Variants in TSPAN9 observed in about 807,000 individuals in gnomAD.
TSPAN9 encodes the protein tetraspanin 9, also known as tetraspanin-9.
In TSPAN9, 16 loss-of-function variants were observed where a neutral mutation model predicts 31.0. That is an observed-to-expected ratio of 0.52 (90% confidence interval 0.35 to 0.78). TSPAN9 has a LOEUF of 0.78. Ranked by LOEUF, TSPAN9 falls within the 30% of genes least tolerant of loss-of-function variation. The pLI is 0.01. For missense variants in TSPAN9, 272 were observed against 312.5 expected (o/e 0.87, Z 0.98); for synonymous variants, 145 against 121.6 (o/e 1.19, Z -1.27).
At chr12:3,250,796 G>T (rs1359154410) in intron 3 of TSPAN9, among the ~76,000 whole-genome samples, 2 of 152,214 alleles carry the variant, frequency 1.3e-5, no homozygotes, top group African/African-American at 4.8e-5. Context: ...TGGCTTTCGG[G>T]TGACTGTTGG....
At chr12:3,137,935 CAG>C (rs2098332860) in intron 2 of TSPAN9, among the ~76,000 whole-genome samples, 1 of 152,196 alleles carries the variant, frequency 6.6e-6, no homozygotes, top group African/African-American at 2.4e-5. Flanking sequence ...TTTCCTTAAA[CAG>C]GGGCTGCTGC....
chr12:3,224,472 G>A (rs2098386122), intron 3 of TSPAN9, among the ~76,000 whole-genome samples: 1 of 152,248 alleles, frequency 6.6e-6, no homozygotes, highest in Non-Finnish European at 1.5e-5. Context: ...AGAAGGAAAG[G>A]AGCTTGGCTG....
chr12:3,246,568 G>A (rs1009365394), intron 3 of TSPAN9, among the ~76,000 whole-genome samples: 5 of 152,270 alleles, frequency 3.3e-5, no homozygotes, highest in African/African-American at 7.2e-5. Flanking sequence ...TTGGGATTCC[G>A]AGCCCATTCC....
At chr12:3,137,582 C>T (rs1434597279) in intron 2 of TSPAN9, among the ~76,000 whole-genome samples, 3 of 152,198 alleles carry the variant, frequency 2.0e-5, no homozygotes, top group Non-Finnish European at 4.4e-5. Flanking sequence ...AAGGCTTCTG[C>T]TTTCCAGCCA....
rs1262146931 is a variant in TSPAN9, at chr12:3,187,405, G to A, written c.-17-13772G>A. Among the ~76,000 whole-genome samples the A allele has an allele frequency of 3.9e-5, 6 of 152,272 alleles. 1 individual carries two copies. The highest frequency in any genetic ancestry group is 8.8e-5 in the Non-Finnish European group (6 of 68,028). ...GCCTTTGTGCAGGTGGCATGGGTAC[G>A]TGTATGTCCAGGAGTGGCCAGCTTC... On this transcript the variant is annotated intron_variant, in intron 2 of 8. Coordinates refer to ENST00000011898, the MANE Select transcript of TSPAN9 (RefSeq NM_006675.5). This position sits in a 1 kb window ranked among gnomAD's most constrained non-coding sequence, Gnocchi z 5.2.
At chr12:3,214,674 C>T (rs921937346) in intron 3 of TSPAN9, among the ~76,000 whole-genome samples, 1 of 152,048 alleles carries the variant, frequency 6.6e-6, no homozygotes, top group Admixed American at 6.5e-5. Context: ...ACGCCCTCCC[C>T]CCTGCAGGGG....
intron 3 of TSPAN9, among the ~76,000 whole-genome samples, chr12:3,229,767 T>C (rs2098389722): frequency 1.9e-5 from 2 of 103,704 alleles, no homozygotes; most frequent in Admixed American, 1.8e-4. Context: ...CAGCTGGGGC[T>C]GACACAGCTG....
intron 3 of TSPAN9, among the ~76,000 whole-genome samples, chr12:3,244,095 C>T (rs1423084593): frequency 6.6e-6 from 1 of 152,174 alleles, no homozygotes; most frequent in Non-Finnish European, 1.5e-5. Context: ...AGCACTTTGT[C>T]CCCCACAGTG....
intron 2 of TSPAN9, among the ~76,000 whole-genome samples, chr12:3,109,268 CTGTG>C (rs1226380985): frequency 2.0e-4 from 24 of 119,300 alleles, no homozygotes; most frequent in Non-Finnish European, 3.5e-4. Flanking sequence ...TTCATATAGT[CTGTG>C]TGTGTGTGTG....
intron 2 of TSPAN9, among the ~76,000 whole-genome samples, chr12:3,085,316 G>A (rs576234801): frequency 1.3e-5 from 2 of 152,090 alleles, no homozygotes; most frequent in East Asian, 3.9e-4. Context: ...GGTGGGCCCT[G>A]CCAGACAGAA....
At chr12:3,113,901 C>T (rs1342101915) in intron 2 of TSPAN9, among the ~76,000 whole-genome samples, 1 of 152,250 alleles carries the variant, frequency 6.6e-6, no homozygotes, top group Non-Finnish European at 1.5e-5. Context: ...TTGGCCTGGG[C>T]AGGTCCCCTT....
intron 3 of TSPAN9, among the ~76,000 whole-genome samples, chr12:3,276,662 T>C (rs945042200): frequency 1.3e-5 from 2 of 152,232 alleles, no homozygotes; most frequent in Admixed American, 6.5e-5. Context: ...CTTATTTTTC[T>C]TCGTGGCGCA....
chr12:3,244,939 C>T (rs1157599285), intron 3 of TSPAN9, among the ~76,000 whole-genome samples: 1 of 152,178 alleles, frequency 6.6e-6, no homozygotes, highest in African/African-American at 2.4e-5. Context: ...TTTCAGGGGC[C>T]CCCTTCTGCC....
chr12:3,275,385 TCCCCTGCAGCG>T (rs1194408769), intron 3 of TSPAN9, among the ~76,000 whole-genome samples: 1 of 152,104 alleles, frequency 6.6e-6, no homozygotes, highest in Non-Finnish European at 1.5e-5. Context: ...GCCCTGCAGC[TCCCCTGCAGCG>T]AGTACCTGCG....
At chr12:3,207,001 G>T (rs2098375608) in intron 3 of TSPAN9, among the ~76,000 whole-genome samples, 1 of 152,088 alleles carries the variant, frequency 6.6e-6, no homozygotes, top group Non-Finnish European at 1.5e-5. Context: ...CCAAGGGGGA[G>T]ACAGCACCTG....
chr12:3,197,441 G>A (rs1257240876), intron 2 of TSPAN9, among the ~76,000 whole-genome samples: 1 of 152,186 alleles, frequency 6.6e-6, no homozygotes, highest in Non-Finnish European at 1.5e-5. Context: ...GCCGAACCCA[G>A]AGAGAGTAGC....
At chr12:3,203,143 TC>T (rs1395062723) in intron 3 of TSPAN9, among the ~76,000 whole-genome samples, 2 of 151,968 alleles carry the variant, frequency 1.3e-5, no homozygotes, top group Non-Finnish European at 2.9e-5. Flanking sequence ...CGCTCACTCC[TC>T]CCCACCCCCA....
chr12:3,261,749 A>G (rs1862453460), intron 3 of TSPAN9, among the ~76,000 whole-genome samples: 1 of 152,200 alleles, frequency 6.6e-6, no homozygotes, highest in Non-Finnish European at 1.5e-5. Flanking sequence ...AACTGGGAAA[A>G]GAAGCCCTGA....
intron 2 of TSPAN9, among the ~76,000 whole-genome samples, chr12:3,105,757 C>T (rs2335343): frequency 0.42 from 55,877 of 132,554 alleles, 11,302 homozygotes; most frequent in Admixed American, 0.56. Flanking sequence ...CTCACACACA[C>T]GCACACACGC....
Sources: gnomAD v4.1 joint callset for allele counts (sites outside exome capture counted in the v4.1 genomes callset) on GRCh38, gnomAD v4.1.1 for gene constraint, Gnocchi (gnomAD v3.1) non-coding constraint, MANE v1.5 for transcripts, NCBI Gene and HGNC (gene_info 2026-07-23, HGNC 2026-07-21) for gene names.